Variants in COLEC10 observed in about 807,000 individuals in gnomAD.
COLEC10 encodes collectin subfamily member 10.
COLEC10 carries 22 observed loss-of-function variants against 28.4 expected under a neutral mutation model. The observed-to-expected ratio is 0.78, with a 90% CI of 0.55 to 1.11. The LOEUF is 1.11. Ranked by LOEUF, COLEC10 falls within the 50% of genes least tolerant of loss-of-function variation. The pLI is 0.00. For synonymous variants in COLEC10, 125 were observed against 116.1 expected, an observed-to-expected ratio of 1.08 and a Z score of -0.49; for missense variants, 361 against 344.1, an observed-to-expected ratio of 1.05 and a Z score of -0.39.
chr8:119,087,371 T>C (rs986913589), intron 1 of COLEC10, among the ~76,000 whole-genome samples: 1 of 152,186 alleles, frequency 6.6e-6, no homozygotes, highest in Admixed American at 6.6e-5. Flanking sequence ...TTTAGCCCAG[T>C]CTGGGAGTAT....
intron 1 of COLEC10, among the ~76,000 whole-genome samples, chr8:119,008,679 C>G (rs10955919): frequency 0.62 from 92,967 of 149,940 alleles, 30,239 homozygotes; most frequent in East Asian, 0.78. Flanking sequence ...TGATGACTAA[C>G]ACTCTGACAT....
the COLEC10 span, among the ~76,000 whole-genome samples, chr8:118,962,030 T>C: frequency 6.6e-6 from 1 of 152,166 alleles, no homozygotes; most frequent in Non-Finnish European, 1.5e-5. Context: ...TTGCATGACC[T>C]AAAAGCCAAC....
At chr8:118,957,209 T>C in the COLEC10 span, among the ~76,000 whole-genome samples, 3 of 152,200 alleles carry the variant, frequency 2.0e-5, no homozygotes. Flanking sequence ...TTAAGTATCC[T>C]GATACAGATC....
the COLEC10 span, among the ~76,000 whole-genome samples, chr8:118,961,973 C>A: frequency 6.6e-6 from 1 of 152,088 alleles, no homozygotes; most frequent in Non-Finnish European, 1.5e-5. Flanking sequence ...TTCTCCAAGG[C>A]CTACTTGTCT....
At chr8:119,023,063 C>A (rs1350974294) in intron 2 of COLEC10, among the ~76,000 whole-genome samples, 1 of 152,106 alleles carries the variant, frequency 6.6e-6, no homozygotes, top group Non-Finnish European at 1.5e-5. Flanking sequence ...TGGTTTATAT[C>A]TCTCTTGCTT....
chr8:119,068,987 A>T (rs910402369), intron 1 of COLEC10, among the ~76,000 whole-genome samples: 11 of 151,910 alleles, frequency 7.2e-5, no homozygotes. Flanking sequence ...AAATTTAATA[A>T]ATTTTGTTCT....
the COLEC10 span, among the ~76,000 whole-genome samples, chr8:118,956,217 G>T: frequency 6.6e-6 from 1 of 152,058 alleles, no homozygotes; most frequent in South Asian, 2.1e-4. Flanking sequence ...CCATCCAAAG[G>T]CCCCCTTTCC....
upstream of COLEC10, among the ~76,000 whole-genome samples, chr8:119,066,666 G>A (rs139306220): frequency 6.6e-6 from 1 of 152,282 alleles, no homozygotes; most frequent in African/African-American, 2.4e-5. Flanking sequence ...CTAGGCCAAA[G>A]GTAATAAACA....
At chr8:119,051,664 TAAAAAC>T (rs1587021669) in intron 2 of COLEC10, among the ~76,000 whole-genome samples, 1 of 152,076 alleles carries the variant, frequency 6.6e-6, no homozygotes, top group East Asian at 1.9e-4. Context: ...GGAAAGAAAA[TAAAAAC>T]AATGAAAAGC....
the COLEC10 span, among the ~76,000 whole-genome samples, chr8:118,977,327 G>A: frequency 3.4e-5 from 5 of 148,528 alleles, no homozygotes; most frequent in African/African-American, 7.4e-5. Context: ...ATTATTCACA[G>A]TAGCAAAGAC....
chr8:119,041,918 G>A (rs1051498464), intron 2 of COLEC10, among the ~76,000 whole-genome samples: 5 of 151,970 alleles, frequency 3.3e-5, no homozygotes, highest in Admixed American at 2.6e-4. Flanking sequence ...TAATTTACTG[G>A]GATTGTCACA....
At chr8:119,086,721 G>T (rs1396969255) in intron 1 of COLEC10, among the ~76,000 whole-genome samples, 1 of 152,226 alleles carries the variant, frequency 6.6e-6, no homozygotes, top group East Asian at 1.9e-4. Flanking sequence ...GAAGGAGAAA[G>T]AATAATGGCA....
At chr8:118,955,866 G>C in the COLEC10 span, among the ~76,000 whole-genome samples, 1 of 152,236 alleles carries the variant, frequency 6.6e-6, no homozygotes, top group Non-Finnish European at 1.5e-5. Context: ...TAGGTTGCAG[G>C]TGGAAGTGAT....
the COLEC10 span, among the ~76,000 whole-genome samples, chr8:118,956,352 C>T: frequency 6.6e-6 from 1 of 152,158 alleles, no homozygotes; most frequent in Non-Finnish European, 1.5e-5. Flanking sequence ...GAACTTCACC[C>T]TGCTCATGGC....
At chr8:118,999,348 T>C (rs184599161) in intron 1 of COLEC10, among the ~76,000 whole-genome samples, 1 of 151,980 alleles carries the variant, frequency 6.6e-6, no homozygotes, top group African/African-American at 2.4e-5. Flanking sequence ...CCCAGCACTT[T>C]GGGAGGCTGA....
chr8:119,103,705 G>C, intron 4 of COLEC10, 95 bp from the exon 5 acceptor site: 1 of 756,054 alleles, frequency 1.3e-6, no homozygotes, highest in Non-Finnish European at 2.3e-6. Context: ...AACCAGACTA[G>C]AAAAAGATAG....
chr8:118,977,488 A>G, the COLEC10 span, among the ~76,000 whole-genome samples: 2 of 145,700 alleles, frequency 1.4e-5, no homozygotes, highest in African/African-American at 5.1e-5. Context: ...TTCTCAGTAA[A>G]CTATCGCAAG....
At chr8:118,977,084 C>A in the COLEC10 span, among the ~76,000 whole-genome samples, 18 of 150,088 alleles carry the variant, frequency 1.2e-4, no homozygotes, top group African/African-American at 2.4e-4. Context: ...GGCGATCATT[C>A]AAAAGTCAGG....
At chr8:119,093,912 C>T (rs1464885614) in intron 3 of COLEC10, among the ~76,000 whole-genome samples, 1 of 152,188 alleles carries the variant, frequency 6.6e-6, no homozygotes, top group Non-Finnish European at 1.5e-5. Context: ...CCCTCAACAT[C>T]CTTCTTGTAC....
Sources: allele counts gnomAD v4.1 joint callset (sites outside exome capture counted in the v4.1 genomes callset), GRCh38; gene constraint gnomAD v4.1.1; transcripts MANE v1.5; gene names NCBI Gene and HGNC (gene_info 2026-07-23, HGNC 2026-07-21).